ERBB4: variants seen among roughly 807,000 people sequenced by gnomAD.
The protein encoded by ERBB4 is receptor tyrosine-protein kinase erbB-4.
Under a neutral mutation model 158.0 loss-of-function variants are expected in ERBB4, and 42 were observed. That is an observed-to-expected ratio of 0.27 (90% CI 0.21 to 0.34). ERBB4 has a LOEUF of 0.34. Ranked by LOEUF, ERBB4 falls within the 10% of genes least tolerant of loss-of-function variation. The probability of loss-of-function intolerance (pLI) is 1.00; values close to 1 mark genes in which losing one functional copy is unlikely to be tolerated. For synonymous variants in ERBB4, 583 were observed against 558.7 expected, an observed-to-expected ratio of 1.04 and a Z score of -0.61; for missense variants, 1,333 against 1,624.1, an observed-to-expected ratio of 0.82 and a Z score of 3.08.
chr2:212,538,353 C>T lies in ERBB4; in HGVS notation c.82+96G>A. 1.9e-5 allele frequency: 21 copies of T among 1,107,796 alleles called. No homozygotes were observed. The South Asian group carries it at 2.3e-4, about 12-fold the overall frequency. The allele number at this position is 1,107,796 out of a possible 1,614,324, so 68.6% of individuals were successfully genotyped here. A position where few individuals can be genotyped will look rare whatever the true frequency, so the allele number is the denominator to read the frequency against. On this transcript the variant is annotated intron_variant, in intron 1 of 27. Coordinates refer to ENST00000342788, the MANE Select transcript of ERBB4 (RefSeq NM_005235.3). The stretch of plus-strand genomic sequence containing the variant: ...AGGCCCCGGTCAAGCGGTCCCTCCA[C>T]GCCTCCCGGGATGGGTGAAGAGGGC...
chr2:211,555,513 G>A (rs944653955), intron 20 of ERBB4, among the ~76,000 whole-genome samples: 2 of 152,286 alleles, frequency 1.3e-5, no homozygotes, highest in East Asian at 1.9e-4. Flanking sequence ...CACATAAAAT[G>A]TCGTAGAATG....
At chr2:212,468,900 C>T (rs1688977646) in intron 1 of ERBB4, among the ~76,000 whole-genome samples, 1 of 152,258 alleles carries the variant, frequency 6.6e-6, no homozygotes, top group South Asian at 2.1e-4. Context: ...TTTACAAATA[C>T]AATTATTCAA....
At chr2:212,205,157 A>C (rs2082709022) in intron 1 of ERBB4, among the ~76,000 whole-genome samples, 1 of 151,908 alleles carries the variant, frequency 6.6e-6, no homozygotes, top group Non-Finnish European at 1.5e-5. Context: ...AGACAGACAG[A>C]TAGACAGATT....
At chr2:212,007,351 T>C (rs935493836) in intron 2 of ERBB4, among the ~76,000 whole-genome samples, 3 of 151,854 alleles carry the variant, frequency 2.0e-5, no homozygotes, top group Non-Finnish European at 3.0e-5. Context: ...TATTAACTTA[T>C]ATCTGTTCTT....
At chr2:212,532,465 C>G (rs905769552) in intron 1 of ERBB4, among the ~76,000 whole-genome samples, 2 of 148,824 alleles carry the variant, frequency 1.3e-5, no homozygotes, top group Non-Finnish European at 3.0e-5. Flanking sequence ...AAAAGAGGTC[C>G]ACTTACAAAA....
At chr2:211,490,516 T>A (rs2065313031) in intron 20 of ERBB4, among the ~76,000 whole-genome samples, 2 of 151,990 alleles carry the variant, frequency 1.3e-5, no homozygotes, top group African/African-American at 4.8e-5. Flanking sequence ...GATGACTTAA[T>A]TAAAAGTAGA....
chr2:212,375,104 T>C (rs71422777), intron 1 of ERBB4, among the ~76,000 whole-genome samples: 7,162 of 152,072 alleles, frequency 0.047, 220 homozygotes, highest in South Asian at 0.074. Flanking sequence ...ATAAAACACA[T>C]ACTCTAATAT....
At chr2:211,825,031 G>T (rs1163736465) in intron 3 of ERBB4, among the ~76,000 whole-genome samples, 2 of 151,860 alleles carry the variant, frequency 1.3e-5, no homozygotes, top group African/African-American at 2.4e-5. Context: ...ATGAATGACT[G>T]ATTTAAATAA....
At chr2:211,842,168 T>C (rs940156495) in intron 3 of ERBB4, among the ~76,000 whole-genome samples, 2 of 152,054 alleles carry the variant, frequency 1.3e-5, no homozygotes, top group Non-Finnish European at 2.9e-5. Flanking sequence ...TTGAATTTTT[T>C]TGAATATTGT....
At chr2:212,192,098 G>A (rs1211291126) in intron 1 of ERBB4, among the ~76,000 whole-genome samples, 100 of 90,398 alleles carry the variant, frequency 1.1e-3, no homozygotes, top group South Asian at 3.9e-3. Flanking sequence ...TATTATATAA[G>A]TTATATATTA....
chr2:212,133,367 A>G lies in ERBB4; in HGVS notation c.83-8464T>C, dbSNP rs2080164460. Among the ~76,000 whole-genome samples, 3 of 145,380 alleles carry G rather than the reference A, an allele frequency of 2.1e-5. No homozygotes were observed. The South Asian group carries it at 6.4e-4, about 31-fold the overall frequency. On this transcript the variant is annotated intron_variant, in intron 1 of 27. Transcript: ENST00000342788. The stretch of plus-strand genomic sequence containing the variant: ...TAAAATAGACATCAGGTTCCCATAC[A>G]TTGTGTTCTGCTTTCTTTTCATTTT...
intron 8 of ERBB4, among the ~76,000 whole-genome samples, chr2:211,712,505 TTATC>T (rs2073738302): frequency 6.6e-6 from 1 of 152,104 alleles, no homozygotes; most frequent in Admixed American, 6.6e-5. Flanking sequence ...CAACATAAAA[TTATC>T]TATTTTCTAC....
At chr2:211,950,844 G>A (rs1015691925) in intron 2 of ERBB4, among the ~76,000 whole-genome samples, 6 of 152,108 alleles carry the variant, frequency 3.9e-5, no homozygotes, top group Admixed American at 6.6e-5. Context: ...ATTGCACCGC[G>A]TGGAAAAGTC....
chr2:212,275,402 G>A (rs1045468933), intron 1 of ERBB4, among the ~76,000 whole-genome samples: 6 of 151,828 alleles, frequency 4.0e-5, no homozygotes, highest in Admixed American at 3.3e-4. Context: ...GTGTAAAAGC[G>A]TTCCTATTTC....
chr2:211,835,842 G>A (rs2077329740), intron 3 of ERBB4, among the ~76,000 whole-genome samples: 1 of 151,992 alleles, frequency 6.6e-6, no homozygotes, highest in Non-Finnish European at 1.5e-5. Flanking sequence ...CAACAATAAA[G>A]TTGCAAAACC....
intron 19 of ERBB4, among the ~76,000 whole-genome samples, chr2:211,593,979 G>A (rs927649568): frequency 3.9e-5 from 6 of 152,154 alleles, no homozygotes; most frequent in African/African-American, 1.2e-4. Flanking sequence ...TGTCAGGCAT[G>A]ACTCACAACC....
chr2:211,937,173 GA>G (rs1365207076), intron 3 of ERBB4, among the ~76,000 whole-genome samples: 2 of 151,922 alleles, frequency 1.3e-5, no homozygotes, highest in Non-Finnish European at 2.9e-5. Context: ...TCTCTTTTTA[GA>G]AAGTGTGGAC....
intron 1 of ERBB4, among the ~76,000 whole-genome samples, chr2:212,233,984 A>G (rs1402595886): frequency 6.7e-6 from 1 of 148,446 alleles, no homozygotes; most frequent in Non-Finnish European, 1.5e-5. Flanking sequence ...TATTATTATT[A>G]TTATTATTAT....
chr2:211,997,908 A>ACACACACAC (rs1559280420), intron 2 of ERBB4, among the ~76,000 whole-genome samples: 3 of 39,962 alleles, frequency 7.5e-5, no homozygotes, highest in Non-Finnish European at 2.6e-4. Flanking sequence ...ACACACACAC[A>ACACACACAC]TCACACACAC....
Sources: gnomAD v4.1 joint callset for allele counts (sites outside exome capture counted in the v4.1 genomes callset) on GRCh38, gnomAD v4.1.1 for gene constraint, MANE v1.5 for transcripts, NCBI Gene and HGNC (gene_info 2026-07-23, HGNC 2026-07-21) for gene names.